The following ADCY1 variants were observed in gnomAD, a reference collection of about 807,000 sequenced individuals.
The protein encoded by ADCY1 is adenylate cyclase type 1.
Under a neutral mutation model 105.4 loss-of-function variants are expected in ADCY1, and 28 were observed. That is an observed-to-expected ratio of 0.27 (90% CI 0.20 to 0.36). The LOEUF (loss-of-function observed/expected upper bound fraction) is 0.36. ADCY1 is among the 10% of genes least tolerant of loss of function. The pLI, the probability that ADCY1 is intolerant of heterozygous loss-of-function variation, is 1.00. For missense variants in ADCY1, 977 were observed against 1,434.2 expected (o/e 0.68, Z 5.15); for synonymous variants, 655 against 623.8 (o/e 1.05, Z -0.75).
At chr7:45,684,064 C>G (rs562100113) in intron 11 of ADCY1, among the ~76,000 whole-genome samples, 26 of 152,232 alleles carry the variant, frequency 1.7e-4, no homozygotes, top group South Asian at 4.1e-4. Context: ...TGCAGTGATT[C>G]ACGGTCAGTA....
Position 45,698,211 on chromosome 7 carries a change from A to T in ADCY1, c.2455-5165A>T, listed in dbSNP as rs543876375. On this transcript the variant is annotated intron_variant, in intron 14 of 19. Transcript: ENST00000297323. Reference sequence around the variant, plus strand: ...CACATACACCACTTATGGACTTCCTAGGGCAGTGTGGAACATGTACATGTG... The same window carrying T: ...CACATACACCACTTATGGACTTCCTTGGGCAGTGTGGAACATGTACATGTG... Among the ~76,000 whole-genome samples, 78 of 152,092 alleles carry T rather than the reference A, an allele frequency of 5.1e-4. 1 individual carries two copies. The highest frequency in any genetic ancestry group is 1.9e-3 in the African/African-American group (77 of 41,494).
At position 45,704,504 on chromosome 7, in the gene ADCY1, TG is replaced by T. The variant is rs1461727750; in HGVS notation, c.2719-13del. 20 of 1,610,102 alleles carry T rather than the reference TG, an allele frequency of 1.2e-5. No homozygotes were observed. The highest frequency in any genetic ancestry group is 1.7e-5 in the Non-Finnish European group (20 of 1,176,802). ...TGTTATGTCATGTTTAACAGTTTTA[TG>T]TTTTAAACAAAGCTCATGGAAAAAG... On this transcript the variant is annotated splice_polypyrimidine_tract_variant and intron_variant, in intron 16 of 19. Transcript: ENST00000297323.
At chr7:45,675,878 T>G (rs998181143) in intron 8 of ADCY1, among the ~76,000 whole-genome samples, 1 of 152,208 alleles carries the variant, frequency 6.6e-6, no homozygotes, top group Non-Finnish European at 1.5e-5. Context: ...TTTGCTAACT[T>G]ACTTCAATCT....
chr7:45,692,837 A>G (rs777946009), intron 14 of ADCY1, among the ~76,000 whole-genome samples: 2 of 151,976 alleles, frequency 1.3e-5, no homozygotes, highest in Non-Finnish European at 2.9e-5. Context: ...TCAATTAAAT[A>G]TTTCAAAATA....
At chr7:45,586,246 C>A (rs1000939386) in intron 1 of ADCY1, among the ~76,000 whole-genome samples, 5 of 152,142 alleles carry the variant, frequency 3.3e-5, no homozygotes, top group Admixed American at 6.5e-5. Flanking sequence ...GGCCCTAACA[C>A]CCCCTTGGAA....
chr7:45,579,440 G>C (rs962965139), intron 1 of ADCY1, among the ~76,000 whole-genome samples: 16 of 151,876 alleles, frequency 1.1e-4, no homozygotes, highest in Middle Eastern at 6.8e-3. Flanking sequence ...CCTTCCCCTG[G>C]CTGGGCCCCA....
chr7:45,653,506 G>A (rs1794863565), intron 5 of ADCY1, among the ~76,000 whole-genome samples: 2 of 152,202 alleles, frequency 1.3e-5, no homozygotes, highest in Non-Finnish European at 2.9e-5. Context: ...GACCTTCCAC[G>A]TGTTAAGAGT....
At chr7:45,655,480 C>T (rs1256426931) in intron 5 of ADCY1, among the ~76,000 whole-genome samples, 2 of 152,226 alleles carry the variant, frequency 1.3e-5, no homozygotes, top group Admixed American at 6.5e-5. Flanking sequence ...GTTAAAGGTT[C>T]TGTTGGATTT....
Position 45,710,414 on chromosome 7 carries a change from T to C in ADCY1, c.2933-114T>C, listed in dbSNP as rs907843430. The C allele has an allele frequency of 4.1e-6, 6 of 1,478,854 alleles. No homozygotes were observed. In the African/African-American group the frequency reaches 8.4e-5, roughly 21 times the overall value. The allele number at this position is 1,478,854 out of a possible 1,614,324, so 91.6% of individuals were successfully genotyped here. ...TAGGTGACCCCAGGAAACAAAGCCC[T>C]GAAAGGAGCAGCCTTTTCTCCACCA... On this transcript the variant is annotated intron_variant, in intron 18 of 19. Coordinates refer to ENST00000297323, the MANE Select transcript of ADCY1 (RefSeq NM_021116.4). This position sits in a 1 kb window ranked among gnomAD's most constrained non-coding sequence, Gnocchi z 4.7.
intron 3 of ADCY1, among the ~76,000 whole-genome samples, chr7:45,617,285 C>T (rs1204311144): frequency 6.6e-6 from 1 of 152,174 alleles, no homozygotes; most frequent in Non-Finnish European, 1.5e-5. Flanking sequence ...CACTGGGAAG[C>T]AGGCACCACT....
intron 5 of ADCY1, among the ~76,000 whole-genome samples, chr7:45,656,058 C>A (rs910166507): frequency 1.3e-5 from 2 of 151,862 alleles, no homozygotes; most frequent in African/African-American, 4.8e-5. Context: ...GAGGCCAAGG[C>A]AGGCAGATCA....
At position 45,720,040 on chromosome 7, in the gene ADCY1, C is replaced by T. The variant is rs1785440976; in HGVS notation, c.*6045C>T. ...GAGAGCCTCAGGGCGGTGACCGCTG[C>T]AGGAATTCGGCCCTCCAGCTCCCCT... On this transcript the variant is annotated 3_prime_UTR_variant, in exon 20 of 20. Transcript: ENST00000297323. 1 of 152,080 alleles carries T rather than the reference C, an allele frequency of 6.6e-6. No individual in the cohort carries two copies. The highest frequency in any genetic ancestry group is 6.5e-5 in the Admixed American group (1 of 15,276). 9.4% of individuals were successfully genotyped at this position (152,080 alleles called of 1,614,324 possible).
chr7:45,693,669 T>C (rs1400110776), intron 14 of ADCY1, among the ~76,000 whole-genome samples: 1 of 151,896 alleles, frequency 6.6e-6, no homozygotes, highest in African/African-American at 2.4e-5. Flanking sequence ...TGCACACGTA[T>C]GTTTATTGCG....
chr7:45,614,097 A>G (rs1272117681), intron 3 of ADCY1, among the ~76,000 whole-genome samples: 2 of 152,256 alleles, frequency 1.3e-5, no homozygotes, highest in Non-Finnish European at 2.9e-5. Context: ...AAAGTTTTAT[A>G]CATCAACAAA....
At chr7:45,584,857 A>C (rs1282616154) in intron 1 of ADCY1, among the ~76,000 whole-genome samples, 1 of 152,242 alleles carries the variant, frequency 6.6e-6, no homozygotes. Context: ...TGTGGTAAGC[A>C]TGCAGCTGAT....
At position 45,696,879 on chromosome 7, in the gene ADCY1, G is replaced by A. The variant is rs181951474; in HGVS notation, c.2455-6497G>A. ...AGGGAGGAGAGGAGAGGAGACTCGA[G>A]GAGTGTGGAAGACAGAATGCCATGA... is the stretch of plus-strand genomic sequence containing the variant. On this transcript the variant is annotated intron_variant, in intron 14 of 19. Transcript: ENST00000297323. Among the ~76,000 whole-genome samples, 706 of 152,306 alleles carry A rather than the reference G, an allele frequency of 4.6e-3. 5 individuals carry two copies. The highest frequency in any genetic ancestry group is 0.016 in the African/African-American group (672 of 41,560).
In ADCY1 at chr7:45,619,366, G is replaced by A. The variant is rs979995251; in HGVS notation, c.909-3266G>A. Among the ~76,000 whole-genome samples the A allele has an allele frequency of 2.6e-5, 4 of 152,132 alleles. 1 individual carries two copies. Among genetic ancestry groups the A allele is most frequent in the African/African-American group, 9.7e-5 (4 of 41,448 alleles). ...CAAGTACGTAGAAGAGACGATATTTGAATGTTACCAACACAAAGAAATAAT... is the reference window on the plus strand; with the variant it reads ...CAAGTACGTAGAAGAGACGATATTTAAATGTTACCAACACAAAGAAATAAT... On this transcript the variant is annotated intron_variant, in intron 3 of 19. Coordinates refer to ENST00000297323, the MANE Select transcript of ADCY1 (RefSeq NM_021116.4).
intron 4 of ADCY1, among the ~76,000 whole-genome samples, chr7:45,623,609 C>G (rs1793968946): frequency 6.6e-6 from 1 of 152,194 alleles, no homozygotes; most frequent in South Asian, 2.1e-4. Context: ...CCTCCGCTGC[C>G]CATGGATACA....
At chr7:45,678,305 T>G (rs1035985991) in intron 10 of ADCY1, 42 bp downstream of exon 10, 2 of 1,577,372 alleles carry the variant, frequency 1.3e-6, no homozygotes, top group Non-Finnish European at 8.7e-7. Context: ...CACCAAGAAG[T>G]CCCGGTTTCT....
Sources: allele counts gnomAD v4.1 joint callset (sites outside exome capture counted in the v4.1 genomes callset), GRCh38; gene constraint gnomAD v4.1.1; non-coding constraint Gnocchi (gnomAD v3.1); transcripts MANE v1.5; gene names NCBI Gene and HGNC (gene_info 2026-07-23, HGNC 2026-07-21).